APP: variants seen among roughly 807,000 people sequenced by gnomAD.
APP encodes amyloid-beta precursor protein.
Under a neutral mutation model 101.4 loss-of-function variants are expected in APP, and 31 were observed. The observed-to-expected ratio is 0.31, with a 90% CI of 0.23 to 0.41. APP has a LOEUF of 0.41. APP is among the 10% of genes least tolerant of loss of function. APP has a pLI of 1.00. For missense variants in APP, 839 were observed against 1,003.7 expected (o/e 0.84, Z 2.22); for synonymous variants, 366 against 364.4 (o/e 1.00, Z -0.05).
At chr21:25,969,670 T>A (rs559592213) in intron 11 of APP, among the ~76,000 whole-genome samples, 23 of 151,556 alleles carry the variant, frequency 1.5e-4, no homozygotes, top group South Asian at 1.3e-3. Context: ...CGAGACCCTG[T>A]CTTTACAAAA....
At chr21:25,892,347 A>C (rs2037755007) in intron 16 of APP, among the ~76,000 whole-genome samples, 1 of 152,188 alleles carries the variant, frequency 6.6e-6, no homozygotes, top group Admixed American at 6.5e-5. Flanking sequence ...AGTGACTGAG[A>C]CTTAGGTGTT....
rs188730065 is a variant in APP, at chr21:25,999,089, G to A, written c.1033+926C>T. 4.6e-5 allele frequency among the ~76,000 whole-genome samples: 7 copies of A among 152,262 alleles called. No homozygotes were observed. In the East Asian group the frequency reaches 9.7e-4, roughly 21 times the overall value. On this transcript the variant is annotated intron_variant, in intron 7 of 17. Transcript: ENST00000346798. ...GTGGATCACTTGAGGTCAGGAGTTC[G>A]AGACCAGCCTGGTCAACATGGTGAA...
At chr21:26,161,837 T>C (rs1239463743) in intron 1 of APP, among the ~76,000 whole-genome samples, 1 of 152,184 alleles carries the variant, frequency 6.6e-6, no homozygotes, top group Non-Finnish European at 1.5e-5. Flanking sequence ...GTTTTAATGT[T>C]AGTCTCTGAA....
intron 6 of APP, among the ~76,000 whole-genome samples, chr21:26,000,676 A>T (rs1012820942): frequency 5.3e-5 from 8 of 152,200 alleles, no homozygotes; most frequent in African/African-American, 1.9e-4. Context: ...AATGTTTTCC[A>T]GTGTTGGAAG....
chr21:26,041,254 T>G (rs1476570381), intron 5 of APP, among the ~76,000 whole-genome samples: 1 of 152,210 alleles, frequency 6.6e-6, no homozygotes, highest in African/African-American at 2.4e-5. Flanking sequence ...ATTAATTAAC[T>G]AATTAAAGGG....
At chr21:26,048,310 G>A (rs979622107) in intron 5 of APP, among the ~76,000 whole-genome samples, 3 of 151,998 alleles carry the variant, frequency 2.0e-5, no homozygotes, top group Admixed American at 6.6e-5. Flanking sequence ...GTGACAGAGC[G>A]AGACTCCATC....
At chr21:26,128,217 T>G (rs751898320) in intron 1 of APP, among the ~76,000 whole-genome samples, 7 of 152,200 alleles carry the variant, frequency 4.6e-5, no homozygotes, top group Non-Finnish European at 8.8e-5. Flanking sequence ...GTGTGGCAGA[T>G]CTGACTCACC....
intron 13 of APP, among the ~76,000 whole-genome samples, chr21:25,924,857 A>C (rs2039815112): frequency 6.6e-6 from 1 of 151,142 alleles, no homozygotes; most frequent in Admixed American, 6.6e-5. Flanking sequence ...TCTTCTGTCT[A>C]GGATCGAACC....
intron 7 of APP, 21 bp from the exon 8 acceptor site, chr21:25,997,437 C>T: frequency 6.2e-7 from 1 of 1,600,760 alleles, no homozygotes; most frequent in Non-Finnish European, 8.6e-7. Context: ...AATAAGAGAA[C>T]ATAACTAAAA....
chr21:26,032,624 A>G (rs929550561), intron 5 of APP, among the ~76,000 whole-genome samples: 2 of 152,182 alleles, frequency 1.3e-5, no homozygotes, highest in Non-Finnish European at 2.9e-5. Context: ...ACACACTTGG[A>G]ACAGCACATG....
At chr21:26,108,032 G>A (rs2146192501) in intron 2 of APP, among the ~76,000 whole-genome samples, 1 of 152,298 alleles carries the variant, frequency 6.6e-6, no homozygotes, top group African/African-American at 2.4e-5. Context: ...TCTGGTTGAA[G>A]GTATGGAGGG....
At chr21:26,029,661 A>G (rs569376287) in intron 5 of APP, among the ~76,000 whole-genome samples, 85 of 152,296 alleles carry the variant, frequency 5.6e-4, no homozygotes, top group African/African-American at 1.9e-3. Context: ...ACAAGAACAG[A>G]AAGTGGGCTC....
intron 1 of APP, among the ~76,000 whole-genome samples, chr21:26,156,808 CA>C (rs2063383605): frequency 6.6e-6 from 1 of 151,998 alleles, no homozygotes; most frequent in Non-Finnish European, 1.5e-5. Flanking sequence ...ATTTAATTTT[CA>C]AATTCTAATA....
intron 2 of APP, among the ~76,000 whole-genome samples, chr21:26,091,406 T>G (rs1244403774): frequency 6.6e-6 from 1 of 152,134 alleles, no homozygotes. Context: ...GGAGTTGCAG[T>G]GATTGGTCAT....
At chr21:26,133,496 CT>C (rs1476636196) in intron 1 of APP, among the ~76,000 whole-genome samples, 1 of 151,908 alleles carries the variant, frequency 6.6e-6, no homozygotes, top group Non-Finnish European at 1.5e-5. Flanking sequence ...TGATTAACAA[CT>C]AGAATAGGCC....
chr21:26,021,701 C>A (rs1250904181), intron 6 of APP, 139 bp downstream of exon 6: 2 of 1,267,820 alleles, frequency 1.6e-6, no homozygotes, highest in East Asian at 4.7e-5. Context: ...AAAAATTTCA[C>A]AAGCATAAGA....
chr21:25,948,143 T>G (rs1321795348), intron 13 of APP, among the ~76,000 whole-genome samples: 1 of 149,428 alleles, frequency 6.7e-6, no homozygotes, highest in Non-Finnish European at 1.5e-5. Context: ...AAGTGACAGC[T>G]CTCTATTTGC....
chr21:26,044,446 G>A (rs764401282), intron 5 of APP, among the ~76,000 whole-genome samples: 4 of 152,234 alleles, frequency 2.6e-5, no homozygotes, highest in African/African-American at 7.2e-5. Context: ...AATTGATCAC[G>A]TAAGTAAAAC....
At chr21:26,002,407 G>C (rs1159361940) in intron 6 of APP, among the ~76,000 whole-genome samples, 1 of 660 alleles carries the variant, frequency 1.5e-3, no homozygotes, top group Non-Finnish European at 4.6e-3. Context: ...ACTATAGCCA[G>C]CAGTGGTCTC....
Sources: gnomAD v4.1 joint callset for allele counts (sites outside exome capture counted in the v4.1 genomes callset) on GRCh38, gnomAD v4.1.1 for gene constraint, MANE v1.5 for transcripts, NCBI Gene and HGNC (gene_info 2026-07-23, HGNC 2026-07-21) for gene names.